PER2: variants seen among roughly 807,000 people sequenced by gnomAD.
The protein encoded by PER2 is period circadian regulator 2.
A neutral mutation model predicts 121.0 loss-of-function variants in PER2; 66 were observed. That is an observed-to-expected ratio of 0.55 (90% CI 0.45 to 0.67). The LOEUF (loss-of-function observed/expected upper bound fraction) is 0.67. Ranked by LOEUF, PER2 falls within the 30% of genes least tolerant of loss-of-function variation. The pLI, the probability that PER2 is intolerant of heterozygous loss-of-function variation, is 0.00. For synonymous variants in PER2, 684 were observed against 659.9 expected (o/e 1.04, Z -0.56); for missense variants, 1,521 against 1,635.0 (o/e 0.93, Z 1.20).
intron 1 of PER2, 32 bp downstream of exon 1, chr2:238,288,317 G>A (rs1199652864): frequency 1.3e-5 from 2 of 152,242 alleles, no homozygotes; most frequent in Non-Finnish European, 2.9e-5. Context: ...GCAGTCACTC[G>A]GTAGCTCGGT....
Position 238,262,200 on chromosome 2 carries a change from T to C in PER2, c.1298A>G (p.Lys433Arg), listed in dbSNP as rs765811168. Residue 433 changes from lysine (K) to arginine (R), a missense_variant, in exon 11 of 23, where the codon AAA becomes AGA. Physicochemically the swap from Lys to Arg is conservative, Grantham distance 26 (BLOSUM62 2). Transcript: ENST00000254657. ...RKISFIIGRHKVRVGPLNEDV... is the reference protein window; with the variant it reads ...RKISFIIGRHRVRVGPLNEDV... Reference sequence around the variant, plus strand: ...CCCTTGGAGCACTCACACCCTGACTTTGTGCCTCCCAATGATGAAGGAGAT... The same window carrying C: ...CCCTTGGAGCACTCACACCCTGACTCTGTGCCTCCCAATGATGAAGGAGAT... 9.9e-6 allele frequency: 16 copies of C among 1,613,586 alleles called. No individual in the cohort carries two copies. Among genetic ancestry groups the C allele is most frequent in the South Asian group, 7.7e-5 (7 of 91,048 alleles).
chr2:238,249,187 C>T lies in PER2; in HGVS notation c.3493G>A (p.Asp1165Asn). Residue 1165 changes from aspartate (D) to asparagine (N), a missense_variant, in exon 22 of 23, where the codon GAC becomes AAC. Physicochemically the swap from Asp to Asn is conservative, Grantham distance 23 (BLOSUM62 1). Transcript: ENST00000254657. ...TGTAGGAGCTTCAGCTTCTCTCTGTCCTCCTTCAAAACCGCTTCTAAATTT... is the reference window on the plus strand; with the variant it reads ...TGTAGGAGCTTCAGCTTCTCTCTGTTCTCCTTCAAAACCGCTTCTAAATTT... ...SRNLEAVLKEDREKLKLLQKL... is the reference protein window; with the variant it reads ...SRNLEAVLKENREKLKLLQKL... 2 of 1,614,096 alleles carry T rather than the reference C, an allele frequency of 1.2e-6. No individual in the cohort carries two copies. Among genetic ancestry groups the T allele is most frequent in the East Asian group, 2.2e-5 (1 of 44,888 alleles).
chr2:238,247,896 G>C (rs1401165232), intron 22 of PER2, among the ~76,000 whole-genome samples: 1 of 152,254 alleles, frequency 6.6e-6, no homozygotes, highest in Non-Finnish European at 1.5e-5. Flanking sequence ...ACAGGGAGCA[G>C]TGAGTGCAGC....
At chr2:238,264,766 G>A (rs1307574047) in intron 9 of PER2, among the ~76,000 whole-genome samples, 2 of 152,116 alleles carry the variant, frequency 1.3e-5, no homozygotes, top group Non-Finnish European at 2.9e-5. Context: ...GGGACTACAG[G>A]TGCACACCAC....
At chr2:238,278,192 C>A (rs961441908) in intron 1 of PER2, among the ~76,000 whole-genome samples, 1 of 152,148 alleles carries the variant, frequency 6.6e-6, no homozygotes, top group African/African-American at 2.4e-5. Flanking sequence ...ACCTCAGCCT[C>A]CAGGGTAGCT....
Position 238,252,860 on chromosome 2 carries a change from A to T in PER2, c.3111+52T>A. ...ACTGAGGATGTGCGGCCGGCCTGCC[A>T]GGTGTGCTGTTTGCTGCCTGCTTTG... is the stretch of plus-strand genomic sequence containing the variant. On this transcript the variant is annotated intron_variant, in intron 19 of 22. Transcript: ENST00000254657. The surrounding 1 kb of genome is among the most constrained non-coding windows in gnomAD (Gnocchi z 4.2). 6.7e-7 allele frequency: 1 copy of T among 1,492,264 alleles called. No individual in the cohort carries two copies. The highest frequency in any genetic ancestry group is 9.3e-7 in the Non-Finnish European group (1 of 1,072,976). The allele number at this position is 1,492,264 out of a possible 1,614,324, so 92.4% of individuals were successfully genotyped here.
the PER2 span, among the ~76,000 whole-genome samples, chr2:238,296,817 C>T: frequency 6.6e-6 from 1 of 152,240 alleles, no homozygotes; most frequent in South Asian, 2.1e-4. Context: ...TAAACCCAGG[C>T]ATCCCCACCA....
intron 15 of PER2, 45 bp from the exon 16 acceptor site, chr2:238,258,445 A>C: frequency 6.2e-7 from 1 of 1,614,020 alleles, no homozygotes; most frequent in South Asian, 1.1e-5. Flanking sequence ...ACAACATGAG[A>C]GGAGGGAAGG....
In PER2 at chr2:238,252,448, G is replaced by A. The variant is rs1280729248; in HGVS notation, c.3111+464C>T. 1.3e-5 allele frequency among the ~76,000 whole-genome samples: 2 copies of A among 152,222 alleles called. No homozygotes were observed. Among genetic ancestry groups the A allele is most frequent in the African/African-American group, 4.8e-5 (2 of 41,444 alleles). On this transcript the variant is annotated intron_variant, in intron 19 of 22. Coordinates refer to ENST00000254657, the MANE Select transcript of PER2 (RefSeq NM_022817.3). This position sits in a 1 kb window ranked among gnomAD's most constrained non-coding sequence, Gnocchi z 4.2. ...TAACTGGTTAAGAATCTCACACAGT[G>A]TCCCTACGCCTGCGGAGGATGGAAA...
At position 238,278,075 on chromosome 2, in the gene PER2, T is replaced by TC. The variant is rs1484826246; in HGVS notation, c.-19-121_-19-120insG. On this transcript the variant is annotated intron_variant, in intron 1 of 22. Transcript: ENST00000254657. ...ACTAATGAAACTGCAGTCTCTTTCT[T>TC]TCTTCTCTCTGTCTCTCTCTCTCTC... 40 of 1,066,230 alleles carry TC rather than the reference T, an allele frequency of 3.8e-5. No homozygotes were observed. In the East Asian group the frequency reaches 9.1e-4, roughly 24 times the overall value. The allele number at this position is 1,066,230 out of a possible 1,614,324, so 66.0% of individuals were successfully genotyped here.
chr2:238,261,446 T>C, intron 12 of PER2: 4 of 502,392 alleles, frequency 8.0e-6, no homozygotes, highest in South Asian at 2.1e-5. Flanking sequence ...TCTGGAACTA[T>C]GCAGCCTGTG....
Position 238,251,715 on chromosome 2 carries a change from G to A in PER2, c.3158C>T (p.Ser1053Leu), listed in dbSNP as rs761682784. The change falls in exon 20 of 23, where the codon TCA (serine) becomes TTA (leucine). Residue 1053 changes from serine (S) to leucine (L), a missense_variant. Coordinates refer to ENST00000254657, the MANE Select transcript of PER2 (RefSeq NM_022817.3). Reference sequence around the variant, plus strand: ...CAGCAGGAGGTTTAGGAGGCCGCTTGACGTGGAAAGGGCGTCACTGTTCTG... The same window carrying A: ...CAGCAGGAGGTTTAGGAGGCCGCTTAACGTGGAAAGGGCGTCACTGTTCTG... ...DTQNSDALST[S>L]SGLLNLLLNE... 1.2e-6 allele frequency: 2 copies of A among 1,613,958 alleles called. No homozygotes were observed. The highest frequency in any genetic ancestry group is 1.7e-6 in the Non-Finnish European group (2 of 1,179,896).
intron 6 of PER2, among the ~76,000 whole-genome samples, chr2:238,270,336 C>G (rs1254448604): frequency 1.3e-5 from 2 of 151,930 alleles, no homozygotes; most frequent in Non-Finnish European, 2.9e-5. Context: ...ATTGGGCAAC[C>G]TCATCAGAAA....
At chr2:238,257,981 G>A (rs566878107) in intron 16 of PER2, among the ~76,000 whole-genome samples, 1 of 152,190 alleles carries the variant, frequency 6.6e-6, no homozygotes, top group African/African-American at 2.4e-5. Flanking sequence ...CCCTCAGTGT[G>A]GCCGCATGAA....
At chr2:238,270,697 G>A (rs1245920923) in intron 6 of PER2, among the ~76,000 whole-genome samples, 1 of 152,228 alleles carries the variant, frequency 6.6e-6, no homozygotes, top group Non-Finnish European at 1.5e-5. Context: ...AGACCCGGCT[G>A]GGAGGGCCTG....
In PER2 at chr2:238,251,719, T is replaced by C; in HGVS notation, c.3154A>G (p.Thr1052Ala). 1 of 1,613,086 alleles carries C rather than the reference T, an allele frequency of 6.2e-7. No individual in the cohort carries two copies. The highest frequency in any genetic ancestry group is 8.5e-7 in the Non-Finnish European group (1 of 1,179,866). Residue 1052 changes from threonine (T) to alanine (A), a missense_variant, in exon 20 of 23, where the codon ACG becomes GCG. By Grantham distance (58) the Thr-to-Ala change is moderately conservative. Coordinates refer to ENST00000254657, the MANE Select transcript of PER2 (RefSeq NM_022817.3). Reference sequence around the variant, plus strand: ...AGGAGGTTTAGGAGGCCGCTTGACGTGGAAAGGGCGTCACTGTTCTGTGTG... The same window carrying C: ...AGGAGGTTTAGGAGGCCGCTTGACGCGGAAAGGGCGTCACTGTTCTGTGTG... ...SDTQNSDALS[T>A]SSGLLNLLLN...
In PER2 at chr2:238,258,627, G is replaced by C. The variant is rs550352529; in HGVS notation, c.1645C>G (p.Pro549Ala). 3 of 1,614,032 alleles carry C rather than the reference G, an allele frequency of 1.9e-6. No homozygotes were observed. The highest frequency in any genetic ancestry group is 2.7e-5 in the African/African-American group (2 of 75,046). ...GCAGGGACAGCTTTCTTCTCAGCTG[G>C]GGGATTAGTTTGCATTTCTGAAGGA... ...KSVTEMQTNP[P>A]AEKKAVPAME... is the part of the protein sequence containing the mutation. Residue 549 changes from proline (P) to alanine (A), a missense_variant, in exon 15 of 23, where the codon CCA becomes GCA. Transcript: ENST00000254657.
In PER2 at chr2:238,253,758, A is replaced by G. The variant is rs1695682891; in HGVS notation, c.2321-56T>C. The G allele has an allele frequency of 4.5e-6, 6 of 1,346,220 alleles. No homozygotes were observed. The highest frequency in any genetic ancestry group is 2.0e-5 in the Admixed American group (1 of 51,224). The allele number at this position is 1,346,220 out of a possible 1,614,324, so 83.4% of individuals were successfully genotyped here. ...AAATTTTAACTCCAAATTTGAAGAC[A>G]CCTCTTCGTTCAACAGTCCTGGGTT... On this transcript the variant is annotated intron_variant, in intron 18 of 22. Transcript: ENST00000254657. The surrounding 1 kb of genome is among the most constrained non-coding windows in gnomAD (Gnocchi z 5.6).
chr2:238,252,916 A>G lies in PER2; in HGVS notation c.3107T>C (p.Leu1036Pro), dbSNP rs76234418. ...TSRDQQPKAP[L>P]TRDEPSDTQN... Reference sequence around the variant, plus strand: ...AGAGCATCAGAAAATCCTTACGGTCAGAGGCGCCTTCGGCTGCTGGTCCCG... The same window carrying G: ...AGAGCATCAGAAAATCCTTACGGTCGGAGGCGCCTTCGGCTGCTGGTCCCG... The change falls in exon 19 of 23, where the codon CTG becomes CCG. Residue 1036 changes from leucine (L) to proline (P), a missense_variant. Coordinates refer to ENST00000254657, the MANE Select transcript of PER2 (RefSeq NM_022817.3). This position sits in a 1 kb window ranked among gnomAD's most constrained non-coding sequence, Gnocchi z 4.2. 68 of 1,613,118 alleles carry G rather than the reference A, an allele frequency of 4.2e-5. No homozygotes were observed. In the Admixed American group the frequency reaches 1.1e-3, roughly 27 times the overall value.
Sources: allele counts gnomAD v4.1 joint callset (sites outside exome capture counted in the v4.1 genomes callset), GRCh38; gene constraint gnomAD v4.1.1; non-coding constraint Gnocchi (gnomAD v3.1); transcripts MANE v1.5; gene names NCBI Gene and HGNC (gene_info 2026-07-23, HGNC 2026-07-21).